LEPR: variants seen among roughly 807,000 people sequenced by gnomAD.
LEPR encodes leptin receptor, also known as OB receptor.
A neutral mutation model predicts 114.7 loss-of-function variants in LEPR; 56 were observed. That is an observed-to-expected ratio of 0.49 (90% CI 0.39 to 0.61). LEPR has a LOEUF of 0.61. LEPR is among the 20% of genes least tolerant of loss of function. The pLI, the probability that LEPR is intolerant of heterozygous loss-of-function variation, is 0.00. For synonymous variants in LEPR, 443 were observed against 461.4 expected (o/e 0.96, Z 0.51); for missense variants, 1,202 against 1,352.9 (o/e 0.89, Z 1.75).
rs1019307405 is a variant in LEPR at position 65,598,566 on chromosome 1, T to G, written c.850-94T>G. 3.2e-6 allele frequency: 5 copies of G among 1,544,832 alleles called. No homozygotes were observed. In the East Asian group the frequency reaches 9.5e-5, roughly 29 times the overall value. ...AGATAACTACTGTGTAAGATATTAA[T>G]TCTTTGAAATTTGATGAGATTAGCT... On this transcript the variant is annotated intron_variant, in intron 7 of 19. Transcript: ENST00000349533.
chr1:65,546,954 A>G (rs571644546), intron 2 of LEPR, among the ~76,000 whole-genome samples: 1 of 152,204 alleles, frequency 6.6e-6, no homozygotes, highest in African/African-American at 2.4e-5. Flanking sequence ...TTTGTCATAG[A>G]TAGCTCATTA....
At chr1:65,595,022 G>T (rs564307668) in intron 6 of LEPR, among the ~76,000 whole-genome samples, 4 of 152,056 alleles carry the variant, frequency 2.6e-5, no homozygotes, top group Non-Finnish European at 5.9e-5. Flanking sequence ...TTTGGGAGTA[G>T]TAGGGGATTG....
intron 2 of LEPR, among the ~76,000 whole-genome samples, chr1:65,550,929 A>G (rs2100717514): frequency 6.6e-6 from 1 of 152,154 alleles, no homozygotes; most frequent in Non-Finnish European, 1.5e-5. Context: ...TGGGAGCTGT[A>G]GACCAGAGCT....
intron 2 of LEPR, among the ~76,000 whole-genome samples, chr1:65,546,617 A>G (rs1439108302): frequency 6.6e-6 from 1 of 152,026 alleles, no homozygotes; most frequent in Non-Finnish European, 1.5e-5. Context: ...TTTGTCTGTT[A>G]TTGGTGTATA....
At chr1:65,550,063 T>A (rs1652172579) in intron 2 of LEPR, among the ~76,000 whole-genome samples, 1 of 152,160 alleles carries the variant, frequency 6.6e-6, no homozygotes, top group South Asian at 2.1e-4. Context: ...TCTGTTGGAG[T>A]TTGCTAGAGG....
chr1:65,584,890 C>T (rs1655215843), intron 5 of LEPR, among the ~76,000 whole-genome samples: 1 of 152,012 alleles, frequency 6.6e-6, no homozygotes, highest in South Asian at 2.1e-4. Context: ...TGATATCTTA[C>T]ATCTGAAGAG....
chr1:65,422,655 G>A (rs1478011041), intron 1 of LEPR, among the ~76,000 whole-genome samples: 2 of 152,358 alleles, frequency 1.3e-5, no homozygotes, highest in East Asian at 3.9e-4. Context: ...AGTGAAGGTG[G>A]AGTATATCCC....
intron 18 of LEPR, 70 bp downstream of exon 18, chr1:65,621,528 C>A: frequency 1.5e-6 from 2 of 1,290,346 alleles, no homozygotes; most frequent in Non-Finnish European, 2.2e-6. Flanking sequence ...GATTTAAAAC[C>A]TTCTAAATTA....
In LEPR at chr1:65,488,400, CA is replaced by C. The variant is rs1387335823; in HGVS notation, c.-21+63023del. On this transcript the variant is annotated intron_variant, in intron 2 of 19. Coordinates refer to ENST00000349533, the MANE Select transcript of LEPR (RefSeq NM_002303.6). ...GGAGTACAGTGGCATGATTATGGCTCACTACAGCATTGAATCAACCTCCTGG... is the reference window on the plus strand; with the variant it reads ...GGAGTACAGTGGCATGATTATGGCTCCTACAGCATTGAATCAACCTCCTGG... Among the ~76,000 whole-genome samples the C allele has an allele frequency of 2.0e-5, 3 of 149,166 alleles. No homozygotes were observed. The East Asian group carries it at 5.9e-4, about 29-fold the overall frequency.
chr1:65,592,624 G>A (rs1172674729), intron 5 of LEPR, 33 bp from the exon 6 acceptor site: 4 of 1,606,740 alleles, frequency 2.5e-6, no homozygotes, highest in Non-Finnish European at 3.4e-6. Context: ...TTTCATATCT[G>A]TTTTAATATT....
chr1:65,616,933 TC>T (rs1279601873), intron 15 of LEPR, among the ~76,000 whole-genome samples: 1 of 152,210 alleles, frequency 6.6e-6, no homozygotes, highest in Non-Finnish European at 1.5e-5. Flanking sequence ...ATATGCCCTA[TC>T]TCTTCTTTAA....
chr1:65,435,605 G>T, intron 2 of LEPR: 1 of 732,434 alleles, frequency 1.4e-6, no homozygotes, highest in Non-Finnish European at 1.7e-6. Context: ...CTGACCTCAT[G>T]ATCCGCCCGC....
chr1:65,548,923 G>T (rs149420383), intron 2 of LEPR, among the ~76,000 whole-genome samples: 10 of 152,128 alleles, frequency 6.6e-5, no homozygotes, highest in African/African-American at 1.2e-4. Context: ...TTACAATTTG[G>T]CATGATTTTG....
upstream of LEPR, chr1:65,420,653 C>T (rs996932050): frequency 2.6e-6 from 4 of 1,535,038 alleles, no homozygotes; most frequent in African/African-American, 1.4e-5. Flanking sequence ...GGGCGACTCC[C>T]GGTCTGGCTT....
chr1:65,636,900 T>C lies in LEPR; in HGVS notation c.3383T>C (p.Ile1128Thr). Residue 1128 changes from isoleucine (I) to threonine (T), a missense_variant, in exon 20 of 20, where the codon ATC becomes ACC. By Grantham distance (89) the Ile-to-Thr change is moderately conservative. Coordinates refer to ENST00000349533, the MANE Select transcript of LEPR (RefSeq NM_002303.6). ...TGCTCACACTTTGTAGAAAATAATA[T>C]CAACTTAGGAACTTCTAGTAAGAAG... ...DSCSHFVENN[I>T]NLGTSSKKTF... 1 of 1,606,048 alleles carries C rather than the reference T, an allele frequency of 6.2e-7. No homozygotes were observed. Among genetic ancestry groups the C allele is most frequent in the Non-Finnish European group, 8.5e-7 (1 of 1,176,654 alleles).
chr1:65,453,196 G>C (rs1646813848), intron 2 of LEPR, among the ~76,000 whole-genome samples: 1 of 152,072 alleles, frequency 6.6e-6, no homozygotes, highest in Admixed American at 6.5e-5. Context: ...CTTGTTAGCA[G>C]TCTATCAATT....
Position 65,596,606 on chromosome 1 carries a change from T to C in LEPR, c.849+13T>C. 1 of 1,610,244 alleles carries C rather than the reference T, an allele frequency of 6.2e-7. No individual in the cohort carries two copies. The highest frequency in any genetic ancestry group is 8.5e-7 in the Non-Finnish European group (1 of 1,177,338). On this transcript the variant is annotated intron_variant, in intron 7 of 19. Coordinates refer to ENST00000349533, the MANE Select transcript of LEPR (RefSeq NM_002303.6). The stretch of plus-strand genomic sequence containing the variant: ...AGTTATCAGAGAAGTAAGTATATTT[T>C]AGTAAGTAAAAGGAAAAGTTGAGAA...
At chr1:65,575,331 C>A (rs937028459) in intron 5 of LEPR, among the ~76,000 whole-genome samples, 12 of 147,184 alleles carry the variant, frequency 8.2e-5, no homozygotes, top group Admixed American at 2.7e-4. Context: ...TAACCACCAG[C>A]AAAATTCACT....
chr1:65,477,785 T>C (rs1647175568), intron 2 of LEPR, among the ~76,000 whole-genome samples: 1 of 152,260 alleles, frequency 6.6e-6, no homozygotes, highest in Non-Finnish European at 1.5e-5. Flanking sequence ...TTCAGGGCTG[T>C]GTCCTGTTTC....
Sources: gnomAD v4.1 joint callset for allele counts (sites outside exome capture counted in the v4.1 genomes callset) on GRCh38, gnomAD v4.1.1 for gene constraint, MANE v1.5 for transcripts, NCBI Gene and HGNC (gene_info 2026-07-23, HGNC 2026-07-21) for gene names.